Variants in MUC4 observed in about 807,000 individuals in gnomAD.
The protein encoded by MUC4 is mucin 4, cell surface associated.
MUC4 carries 202 observed loss-of-function variants against 257.9 expected under a neutral mutation model. That is an observed-to-expected ratio of 0.78 (90% confidence interval 0.70 to 0.88). The LOEUF is 0.88. MUC4 is among the 40% of genes least tolerant of loss of function. MUC4 has a pLI of 0.00. For missense variants in MUC4, 5,976 were observed against 6,513.7 expected (o/e 0.92, Z 2.84); for synonymous variants, 2,351 against 2,757.1 (o/e 0.85, Z 4.62).
At position 195,761,033 on chromosome 3, in the gene MUC4, T is replaced by G; in HGVS notation, c.14699A>C (p.Gln4900Pro). 2 of 1,614,212 alleles carry G rather than the reference T, an allele frequency of 1.2e-6. No individual in the cohort carries two copies. Among genetic ancestry groups the G allele is most frequent in the Non-Finnish European group, 1.7e-6 (2 of 1,180,028 alleles). Residue 4900 changes from glutamine (Q) to proline (P), a missense_variant, in exon 16 of 25, where the codon CAA becomes CCA. By Grantham distance (76) the Gln-to-Pro change is moderately conservative. Around this residue, in one of 44 missense-constraint regions of MUC4, gnomAD observed 996 missense variants for 1,137.3 expected, o/e 0.88. Coordinates refer to ENST00000463781, the MANE Select transcript of MUC4 (RefSeq NM_018406.7). ...NFTPVFYSQL[Q>P]KNSSWAEHLI... is the part of the protein sequence containing the mutation. ...ATGTTCAGCCCAGGAGCTGTTTTTT[T>G]GCAGTTGTGAGTAGAAAACAGGGGT... is the stretch of plus-strand genomic sequence containing the variant.
At chr3:195,801,661 C>A (rs557294989) in intron 1 of MUC4, among the ~76,000 whole-genome samples, 1 of 152,270 alleles carries the variant, frequency 6.6e-6, no homozygotes, top group Admixed American at 6.5e-5. Context: ...CGCTCTGCCC[C>A]CACCTCACTC....
At chr3:195,759,906 C>T (rs1718417726) in intron 16 of MUC4, among the ~76,000 whole-genome samples, 1 of 152,112 alleles carries the variant, frequency 6.6e-6, no homozygotes, top group East Asian at 1.9e-4. Context: ...GCAACAAGAG[C>T]GAAACTCCGT....
intron 3 of MUC4, 87 bp from the exon 4 acceptor site, chr3:195,774,392 G>C: frequency 2.1e-6 from 3 of 1,438,156 alleles, no homozygotes; most frequent in Non-Finnish European, 2.7e-6. Context: ...CTCCCTGCAG[G>C]CTGCCCACAC....
intron 1 of MUC4, among the ~76,000 whole-genome samples, chr3:195,807,675 G>A (rs1736152651): frequency 1.3e-5 from 2 of 152,158 alleles, no homozygotes; most frequent in Admixed American, 6.5e-5. Context: ...GAGCCTATAA[G>A]GTCTCTGTCC....
In MUC4 at chr3:195,785,801, A is replaced by T. The variant is rs1560369724; in HGVS notation, c.5779T>A (p.Ser1927Thr). 2 of 1,504,660 alleles carry T rather than the reference A, an allele frequency of 1.3e-6. No individual in the cohort carries two copies. The highest frequency in any genetic ancestry group is 2.4e-5 in the South Asian group (2 of 82,180). 93.2% of individuals were successfully genotyped at this position (1,504,660 alleles called of 1,614,324 possible). Residue 1927 changes from serine (S) to threonine (T), a missense_variant, in exon 2 of 25, where the codon TCC becomes ACC. Around this residue, in one of 44 missense-constraint regions of MUC4, gnomAD observed 87 missense variants for 104.6 expected, o/e 0.83. Transcript: ENST00000463781. Reference protein sequence around the residue: ...HATSLPVTSLSSASTGDTTPL... With the variant: ...HATSLPVTSLTSASTGDTTPL... ...GTGGTGTCACCTGTGGATGCTGAGG[A>T]AAGGCTGGTGACAGGAAGAGAGGTG... is the stretch of plus-strand genomic sequence containing the variant.
chr3:195,768,891 T>G, intron 7 of MUC4, 131 bp downstream of exon 7: 4 of 1,195,712 alleles, frequency 3.3e-6, no homozygotes, highest in Admixed American at 2.8e-5. Flanking sequence ...GGAGCTGGAG[T>G]CAGCGTGAGT....
chr3:195,768,042 C>T (rs574714562), intron 7 of MUC4, among the ~76,000 whole-genome samples: 1 of 152,212 alleles, frequency 6.6e-6, no homozygotes, highest in South Asian at 2.1e-4. Context: ...CAGCCGCCTG[C>T]AGCCCCACCC....
intron 16 of MUC4, 140 bp downstream of exon 16, chr3:195,760,744 G>A (rs902969716): frequency 5.6e-6 from 4 of 710,610 alleles, no homozygotes; most frequent in African/African-American, 5.3e-5. Flanking sequence ...AGTCTCTGAA[G>A]GGTTTGAGCA....
chr3:195,804,511 G>A (rs1438396180), intron 1 of MUC4, among the ~76,000 whole-genome samples: 5 of 152,272 alleles, frequency 3.3e-5, no homozygotes. Context: ...GCTGTGGGTT[G>A]AGGCTTATTC....
rs1335659785 is a variant in MUC4, at chr3:195,788,431, G to A, written c.3149C>T (p.Ser1050Phe). 6.8e-7 allele frequency: 1 copy of A among 1,470,840 alleles called. No homozygotes were observed. Among genetic ancestry groups the A allele is most frequent in the Non-Finnish European group, 9.2e-7 (1 of 1,085,996 alleles). The allele number at this position is 1,470,840 out of a possible 1,614,324, so 91.1% of individuals were successfully genotyped here. Residue 1050 changes from serine to phenylalanine, a missense_variant, in exon 2 of 25, where the codon TCC becomes TTC. Ser to Phe is a radical substitution (Grantham distance 155). Transcript: ENST00000463781. ...AGGAAGAGGGGTGCTGTCACCTGTG[G>A]ATGCTGAGGAAAAGCTGGTGACAGG... is the stretch of plus-strand genomic sequence containing the variant. ...PLPVTSFSSASTGDSTPLPVT... is the reference protein window; with the variant it reads ...PLPVTSFSSAFTGDSTPLPVT...
intron 1 of MUC4, among the ~76,000 whole-genome samples, chr3:195,793,480 C>T (rs377276894): frequency 1.3e-5 from 2 of 149,672 alleles, no homozygotes; most frequent in Non-Finnish European, 3.0e-5. Context: ...GCAGCCTGGG[C>T]GACAGAGCAA....
intron 4 of MUC4, among the ~76,000 whole-genome samples, chr3:195,773,204 TA>T (rs1214838183): frequency 7.2e-6 from 1 of 139,136 alleles, no homozygotes; most frequent in Non-Finnish European, 1.6e-5. Context: ...CTCCATCACT[TA>T]GGGGGTGGAA....
chr3:195,762,966 G>T, intron 12 of MUC4, 21 bp from the exon 13 acceptor site: 1 of 1,521,836 alleles, frequency 6.6e-7, no homozygotes. Context: ...ATGGGAGGGG[G>T]CCTGAGCCCG....
chr3:195,781,809 T>G lies in MUC4; in HGVS notation c.9771A>C (p.Ala3257=), dbSNP rs1201064500. ...TSLPVTDTSS[A]STGDTTSLPV... ...GAAGAGAGGTGGTGTCACCTGTGGA[T>G]GCTGAGGAAGTGTCGGTGACAGGAA... The change falls in exon 2 of 25, where the codon GCA becomes GCC. Residue 3257 remains alanine (A), a synonymous_variant. Coordinates refer to ENST00000463781, the MANE Select transcript of MUC4 (RefSeq NM_018406.7). The G allele has an allele frequency of 1.1e-5, 12 of 1,070,246 alleles. No homozygotes were observed. The highest frequency in any genetic ancestry group is 1.4e-5 in the Non-Finnish European group (12 of 839,952). The allele number at this position is 1,070,246 out of a possible 1,614,324, so 66.3% of individuals were successfully genotyped here. A position where few individuals can be genotyped will look rare whatever the true frequency, so the allele number is the denominator to read the frequency against.
intron 17 of MUC4, among the ~76,000 whole-genome samples, chr3:195,758,037 C>T (rs1000381034): frequency 6.6e-6 from 1 of 152,268 alleles, no homozygotes; most frequent in Middle Eastern, 3.4e-3. Flanking sequence ...CCTTCTGAGA[C>T]ACAGAGAGAA....
At chr3:195,761,141 T>C in intron 15 of MUC4, 24 bp from the exon 16 acceptor site, 1 of 1,597,336 alleles carries the variant, frequency 6.3e-7, no homozygotes, top group South Asian at 1.1e-5. Flanking sequence ...AGCGCGGTGG[T>C]ACCAGGCATG....
At position 195,774,292 on chromosome 3, in the gene MUC4, G is replaced by A; in HGVS notation, c.12957C>T (p.Phe4319=). The A allele has an allele frequency of 6.4e-7, 1 of 1,564,336 alleles. No homozygotes were observed. Among genetic ancestry groups the A allele is most frequent in the Admixed American group, 1.9e-5 (1 of 51,970 alleles). Residue 4319 remains phenylalanine, a synonymous_variant, in exon 4 of 25, where the codon TTC becomes TTT. Transcript: ENST00000463781. ...GGTCCCCGGCGCCTGCCCCATAGGG[G>A]AAGAGGGAAACTCCTGGGCCAGGAC... is the stretch of plus-strand genomic sequence containing the variant. ...PILPERGVSL[F]PYGAGAGDLE...
At position 195,786,908 on chromosome 3, in the gene MUC4, C is replaced by CTG. The variant is rs1732356882; in HGVS notation, c.4671_4672insCA (p.Ala1558GlnfsTer1447). ...GTGTGACCTGTGGATACTGAGGAAGCGTCGGTGACAGGAAGAGGGGTGGTG... is the reference window on the plus strand; with the variant it reads ...GTGTGACCTGTGGATACTGAGGAAGCTGGTCGGTGACAGGAAGAGGGGTGGTG... On this transcript the variant is annotated frameshift_variant, in exon 2 of 25. Coordinates refer to ENST00000463781, the MANE Select transcript of MUC4 (RefSeq NM_018406.7). LOFTEE classifies it high-confidence loss of function. 2 of 1,159,132 alleles carry CTG rather than the reference C, an allele frequency of 1.7e-6. No homozygotes were observed. Among genetic ancestry groups the CTG allele is most frequent in the African/African-American group, 5.4e-5 (2 of 37,288 alleles). 71.8% of individuals were successfully genotyped at this position (1,159,132 alleles called of 1,614,324 possible). A position where few individuals can be genotyped will look rare whatever the true frequency, so the allele number is the denominator to read the frequency against.
At position 195,757,387 on chromosome 3, in the gene MUC4, A is replaced by T; in HGVS notation, c.14987-59T>A. 7 of 1,491,824 alleles carry T rather than the reference A, an allele frequency of 4.7e-6. No individual in the cohort carries two copies. The highest frequency in any genetic ancestry group is 6.4e-6 in the Non-Finnish European group (7 of 1,096,594). 92.4% of individuals were successfully genotyped at this position (1,491,824 alleles called of 1,614,324 possible). Reference sequence around the variant, plus strand: ...GGAGACTCCTCGGCTCTGTGGTCTGATTGCTGATACGGGGCTTCCCCCACC... The same window carrying T: ...GGAGACTCCTCGGCTCTGTGGTCTGTTTGCTGATACGGGGCTTCCCCCACC... On this transcript the variant is annotated intron_variant, in intron 17 of 24. Coordinates refer to ENST00000463781, the MANE Select transcript of MUC4 (RefSeq NM_018406.7). The surrounding 1 kb of genome is among the most constrained non-coding windows in gnomAD (Gnocchi z 4.8).
Sources: gnomAD v4.1 joint callset for allele counts (sites outside exome capture counted in the v4.1 genomes callset) on GRCh38, gnomAD v4.1.1 for gene constraint, gnomAD v4.1.1 regional missense constraint, Gnocchi (gnomAD v3.1) non-coding constraint, MANE v1.5 for transcripts, NCBI Gene and HGNC (gene_info 2026-07-23, HGNC 2026-07-21) for gene names.